MYOF: variants seen among roughly 807,000 people sequenced by gnomAD.
MYOF encodes myoferlin, also known as fer-1-like 3, myoferlin.
A neutral mutation model predicts 284.2 loss-of-function variants in MYOF; 244 were observed. The ratio of observed to expected loss-of-function variants is 0.86; its 90% CI spans 0.77 to 0.95. The LOEUF is 0.95. Ranked by LOEUF, MYOF falls within the 40% of genes least tolerant of loss-of-function variation. The pLI is 0.00. For synonymous variants in MYOF, 904 were observed against 919.7 expected (o/e 0.98, Z 0.31); for missense variants, 2,496 against 2,560.6 (o/e 0.97, Z 0.54).
rs540906575 is a variant in MYOF, at chr10:93,409,658, G to T, written c.515C>A (p.Thr172Lys). Residue 172 changes from threonine to lysine, a missense_variant, in exon 6 of 54, where the codon ACG becomes AAG. This residue lies in a region of MYOF where 2,436 missense variants were observed against 2,480.7 expected (regional missense o/e 0.98). Transcript: ENST00000359263. ...RGPGPKGPVG[T>K]VSEAQLARRL... ...CCGAGCAAGCTGAGCTTCCGACACC[G>T]TCCCAACTGGCCCCTTGGGCCCAGG... 1 of 1,614,198 alleles carries T rather than the reference G, an allele frequency of 6.2e-7. No individual in the cohort carries two copies. Among genetic ancestry groups the T allele is most frequent in the East Asian group, 2.2e-5 (1 of 44,878 alleles).
chr10:93,347,546 G>A (rs1844256483), intron 37 of MYOF, 71 bp downstream of exon 37: 8 of 695,432 alleles, frequency 1.2e-5, no homozygotes, highest in Admixed American at 4.7e-5. Flanking sequence ...GCGACAGAGC[G>A]AGACTCCGTC....
Position 93,306,473 on chromosome 10 carries a change from A to G in MYOF, c.*490T>C, listed in dbSNP as rs1186538679. 6.5e-6 allele frequency: 1 copy of G among 153,108 alleles called. No individual in the cohort carries two copies. The highest frequency in any genetic ancestry group is 1.5e-5 in the Non-Finnish European group (1 of 68,706). 9.5% of individuals were successfully genotyped at this position (153,108 alleles called of 1,614,324 possible). ...TTTAGTTTCATTACAGAGGTTAAAT[A>G]GACTTTTATGACATCCATACAAAAT... is the stretch of plus-strand genomic sequence containing the variant. On this transcript the variant is annotated 3_prime_UTR_variant, in exon 54 of 54. Coordinates refer to ENST00000359263, the MANE Select transcript of MYOF (RefSeq NM_013451.4).
Position 93,355,653 on chromosome 10 carries a change from G to T in MYOF, c.3378C>A (p.Thr1126=). 2 of 1,609,616 alleles carry T rather than the reference G, an allele frequency of 1.2e-6. No individual in the cohort carries two copies. Among genetic ancestry groups the T allele is most frequent in the Non-Finnish European group, 1.7e-6 (2 of 1,177,064 alleles). The change falls in exon 31 of 54, where the codon ACC becomes ACA. Residue 1126 remains threonine (T), a synonymous_variant. Coordinates refer to ENST00000359263, the MANE Select transcript of MYOF (RefSeq NM_013451.4). ...TGTCAAAATTGCAGGAAACAATGGG[G>T]GTGTTTGCTCCGAACACAGTGGTGG... is the stretch of plus-strand genomic sequence containing the variant. ...HSATTVFGAN[T]PIVSCNFDRV... is the part of the protein sequence containing the mutation.
chr10:93,436,946 A>T (rs1456529644), intron 3 of MYOF, among the ~76,000 whole-genome samples: 1 of 152,214 alleles, frequency 6.6e-6, no homozygotes, highest in Non-Finnish European at 1.5e-5. Context: ...TCCAACCAAC[A>T]CTAAAACAGG....
intron 32 of MYOF, among the ~76,000 whole-genome samples, chr10:93,353,469 C>T (rs1466476484): frequency 6.6e-6 from 1 of 151,986 alleles, no homozygotes; most frequent in Non-Finnish European, 1.5e-5. Context: ...CTTAAAGGAT[C>T]TTAACTTACC....
intron 1 of MYOF, among the ~76,000 whole-genome samples, chr10:93,472,371 A>C (rs1043043679): frequency 5.9e-5 from 9 of 152,102 alleles, no homozygotes; most frequent in Non-Finnish European, 1.0e-4. Flanking sequence ...TTCCTCAGGA[A>C]ATTAGAAATA....
intron 29 of MYOF, among the ~76,000 whole-genome samples, chr10:93,358,081 T>C (rs879333650): frequency 2.6e-5 from 4 of 152,138 alleles, no homozygotes; most frequent in Non-Finnish European, 5.9e-5. Context: ...ATCCAGAATC[T>C]ACAAGCAATT....
intron 2 of MYOF, among the ~76,000 whole-genome samples, chr10:93,456,185 T>G (rs888767648): frequency 6.6e-6 from 1 of 152,238 alleles, no homozygotes; most frequent in Admixed American, 6.5e-5. Flanking sequence ...TATGGGCATA[T>G]GCTTAGGATA....
intron 13 of MYOF, among the ~76,000 whole-genome samples, 156 bp from the exon 14 acceptor site, chr10:93,397,612 T>G (rs1847084551): frequency 6.6e-6 from 1 of 151,356 alleles, no homozygotes; most frequent in Non-Finnish European, 1.5e-5. Context: ...AAATATGACA[T>G]GGGTTTAATA....
At chr10:93,360,192 A>G (rs1309180923) in intron 28 of MYOF, among the ~76,000 whole-genome samples, 2 of 152,188 alleles carry the variant, frequency 1.3e-5, no homozygotes, top group African/African-American at 2.4e-5. Flanking sequence ...CTTGGTGGCC[A>G]TGTTCTCCCC....
intron 1 of MYOF, among the ~76,000 whole-genome samples, chr10:93,471,271 T>A (rs1328276007): frequency 1.3e-5 from 2 of 152,102 alleles, no homozygotes; most frequent in Non-Finnish European, 2.9e-5. Flanking sequence ...AAGGCTTTCA[T>A]TGCTCTGTTG....
intron 12 of MYOF, among the ~76,000 whole-genome samples, chr10:93,399,942 C>A (rs944732689): frequency 1.3e-5 from 2 of 152,196 alleles, no homozygotes; most frequent in African/African-American, 4.8e-5. Flanking sequence ...GAGGCTGAGG[C>A]ATGAGAATCA....
rs780131150 is a variant in MYOF at position 93,369,678 on chromosome 10, G to A, written c.2556C>T (p.Phe852=). 29 of 1,614,188 alleles carry A rather than the reference G, an allele frequency of 1.8e-5. No individual in the cohort carries two copies. The East Asian group carries it at 5.3e-4, about 30-fold the overall frequency. ...LSAVEKKFNS[F]AEGTFTVFAE... is the part of the protein sequence containing the mutation. The stretch of plus-strand genomic sequence containing the variant: ...CAAAGACGGTGAAAGTTCCTTCTGC[G>A]AAGCTGTTAAACTTCTTCTCCACAG... Residue 852 remains phenylalanine, a synonymous_variant, in exon 25 of 54, where the codon TTC becomes TTT. Transcript: ENST00000359263.
chr10:93,314,160 C>G (rs1285047829), intron 50 of MYOF, among the ~76,000 whole-genome samples: 1 of 152,184 alleles, frequency 6.6e-6, no homozygotes, highest in Non-Finnish European at 1.5e-5. Context: ...GTGATCTCAG[C>G]TCACTGCAAC....
intron 1 of MYOF, chr10:93,478,105 T>C: frequency 4.4e-6 from 1 of 229,100 alleles, no homozygotes. Flanking sequence ...GTTGTTTATC[T>C]TATGTCTACA....
intron 3 of MYOF, among the ~76,000 whole-genome samples, chr10:93,433,250 C>G (rs1304047288): frequency 3.3e-5 from 5 of 152,156 alleles, no homozygotes; most frequent in African/African-American, 1.2e-4. Flanking sequence ...CTCCGCCTCC[C>G]GGGTTTAAGC....
chr10:93,456,085 A>G (rs1478380981), intron 2 of MYOF, among the ~76,000 whole-genome samples: 1 of 152,220 alleles, frequency 6.6e-6, no homozygotes, highest in Non-Finnish European at 1.5e-5. Context: ...TCATTAAAAT[A>G]CTTTTGAATT....
At chr10:93,408,959 G>A (rs376678646) in intron 6 of MYOF, 44 bp from the exon 7 acceptor site, 314 of 1,611,334 alleles carry the variant, frequency 1.9e-4, no homozygotes, top group Non-Finnish European at 2.4e-4. Context: ...TTCCCAGCAC[G>A]TGGGATCCTT....
At chr10:93,440,336 C>T (rs937630888) in intron 3 of MYOF, among the ~76,000 whole-genome samples, 5 of 151,940 alleles carry the variant, frequency 3.3e-5, no homozygotes, top group Admixed American at 6.6e-5. Context: ...CACTTGAACC[C>T]GGGAGGCAGA....
Sources: gnomAD v4.1 joint callset for allele counts (sites outside exome capture counted in the v4.1 genomes callset) on GRCh38, gnomAD v4.1.1 for gene constraint, gnomAD v4.1.1 regional missense constraint, MANE v1.5 for transcripts, NCBI Gene and HGNC (gene_info 2026-07-23, HGNC 2026-07-21) for gene names.